KNL1: variants seen among roughly 807,000 people sequenced by gnomAD.
KNL1 encodes outer kinetochore KNL1 complex subunit KNL1.
Under a neutral mutation model 201.3 loss-of-function variants are expected in KNL1, and 66 were observed. The ratio of observed to expected loss-of-function variants is 0.33; its 90% CI spans 0.27 to 0.40. The LOEUF (loss-of-function observed/expected upper bound fraction) is 0.40, where lower values mean the gene tolerates loss of function less well. Ranked by LOEUF, KNL1 falls within the 10% of genes least tolerant of loss-of-function variation. KNL1 has a pLI of 1.00. For synonymous variants in KNL1, 895 were observed against 899.2 expected (o/e 1.00, Z 0.08); for missense variants, 2,815 against 2,690.5 (o/e 1.05, Z -1.02).
At chr15:40,629,397 T>A (rs1306585132) in intron 13 of KNL1, 26 bp downstream of exon 13, 2 of 1,491,086 alleles carry the variant, frequency 1.3e-6, no homozygotes, top group African/African-American at 1.4e-5. Flanking sequence ...TGGCAAAATG[T>A]TTGCATCAAA....
At position 40,651,589 on chromosome 15, in the gene KNL1, A is replaced by G; in HGVS notation, c.6314+17A>G. On this transcript the variant is annotated intron_variant, in intron 20 of 25. Coordinates refer to ENST00000399668, the MANE Select transcript of KNL1 (RefSeq NM_144508.5). ...TCAGTTGAGGTAAGGAAATGCAGGC[A>G]TCATTTGTTTGTGTTTTATTCTGTA... 1.3e-6 allele frequency: 2 copies of G among 1,537,904 alleles called. No homozygotes were observed. Among genetic ancestry groups the G allele is most frequent in the Non-Finnish European group, 1.8e-6 (2 of 1,126,014 alleles).
intron 3 of KNL1, 62 bp downstream of exon 3, chr15:40,605,211 C>T: frequency 3.2e-6 from 3 of 949,010 alleles, no homozygotes; most frequent in South Asian, 1.3e-5. Context: ...CCATATATCA[C>T]AGTAGTTTTG....
chr15:40,596,019 A>G (rs1431475368), intron 1 of KNL1, among the ~76,000 whole-genome samples: 2 of 151,828 alleles, frequency 1.3e-5, no homozygotes, highest in South Asian at 2.1e-4. Flanking sequence ...TCTACAATCC[A>G]TTAAAAGGGT....
rs1893938252 is a variant in KNL1, at chr15:40,662,421, A to C, written c.*233A>C. The C allele has an allele frequency of 2.5e-6, 1 of 406,166 alleles. No homozygotes were observed. Among genetic ancestry groups the C allele is most frequent in the South Asian group, 4.5e-5 (1 of 22,370 alleles). 25.2% of individuals were successfully genotyped at this position (406,166 alleles called of 1,614,324 possible). A position where few individuals can be genotyped will look rare whatever the true frequency, so the allele number is the denominator to read the frequency against. Reference sequence around the variant, plus strand: ...TACTCATCTTTGTACCAAAGGTTTAAGTAATAGGACACTTAGGAAAAATGT... The same window carrying C: ...TACTCATCTTTGTACCAAAGGTTTACGTAATAGGACACTTAGGAAAAATGT... On this transcript the variant is annotated 3_prime_UTR_variant, in exon 26 of 26. Coordinates refer to ENST00000399668, the MANE Select transcript of KNL1 (RefSeq NM_144508.5).
chr15:40,645,514 G>A, intron 15 of KNL1, 142 bp from the exon 16 acceptor site: 1 of 438,224 alleles, frequency 2.3e-6, no homozygotes, highest in African/African-American at 2.0e-5. Context: ...TCTTTTTTCT[G>A]GTCTTAGACA....
In KNL1 at chr15:40,622,182, A is replaced by G; in HGVS notation, c.1918A>G (p.Lys640Glu). The change falls in exon 10 of 26, where the codon AAA becomes GAA. Residue 640 changes from lysine to glutamate, a missense_variant. This residue lies in a region of KNL1 where 2,464 missense variants were observed against 2,291.7 expected (regional missense o/e 1.08). Coordinates refer to ENST00000399668, the MANE Select transcript of KNL1 (RefSeq NM_144508.5). The stretch of plus-strand genomic sequence containing the variant: ...AAACAGCTTAACCGACACCTGGAAC[A>G]AAGACAAAGATTGGGTTTTGAAGAT... ...AKNSLTDTWN[K>E]DKDWVLKILP... The G allele has an allele frequency of 6.2e-7, 1 of 1,614,150 alleles. No homozygotes were observed. The highest frequency in any genetic ancestry group is 8.5e-7 in the Non-Finnish European group (1 of 1,179,978).
chr15:40,618,342 T>C (rs1480261367), intron 8 of KNL1, among the ~76,000 whole-genome samples: 1 of 152,122 alleles, frequency 6.6e-6, no homozygotes, highest in African/African-American at 2.4e-5. Context: ...CTAAAATGCA[T>C]TATATTTTAT....
chr15:40,596,952 A>G (rs564464215), intron 1 of KNL1, among the ~76,000 whole-genome samples: 1 of 145,704 alleles, frequency 6.9e-6, no homozygotes, highest in African/African-American at 2.5e-5. Context: ...GTGAGCCAAG[A>G]TTGCGCCATT....
intron 2 of KNL1, among the ~76,000 whole-genome samples, chr15:40,603,185 A>C (rs76069180): frequency 2.0e-5 from 3 of 152,020 alleles, no homozygotes; most frequent in Non-Finnish European, 4.4e-5. Context: ...GGTTTGCTGC[A>C]CCCATCAACT....
In KNL1 at chr15:40,623,223, A is replaced by G; in HGVS notation, c.2959A>G (p.Thr987Ala). 1.9e-6 allele frequency: 3 copies of G among 1,614,002 alleles called. No homozygotes were observed. The highest frequency in any genetic ancestry group is 1.1e-5 in the South Asian group (1 of 91,076). ...CCAAAGGAAAAGCCTAGGAACACCA[A>G]CAGTGATATGTACTCCTACTGAGGA... The part of the protein sequence containing the change: ...LSQRKSLGTP[T>A]VICTPTEESV... The change falls in exon 10 of 26, where the codon ACA (threonine) becomes GCA (alanine). Residue 987 changes from threonine to alanine, a missense_variant. Transcript: ENST00000399668.
At position 40,647,079 on chromosome 15, in the gene KNL1, A is replaced by C. The variant is rs1287712309; in HGVS notation, c.6094+5A>C. 7.3e-7 allele frequency: 1 copy of C among 1,371,704 alleles called. No homozygotes were observed. 85.0% of individuals were successfully genotyped at this position (1,371,704 alleles called of 1,614,324 possible). On this transcript the variant is annotated splice_donor_5th_base_variant and intron_variant, in intron 17 of 25. Transcript: ENST00000399668. The stretch of plus-strand genomic sequence containing the variant: ...GCCTCACTGAGATGGAAACAGGTAA[A>C]GTATTTTAAATACTTTTCCAAAAGA...
rs1893987502 is a variant in KNL1, at chr15:40,664,051, T to G, written c.*1863T>G. The stretch of plus-strand genomic sequence containing the variant: ...CAATATGATCTGTTTCCCATGAAAC[T>G]TAAGTTAGCTTTCTTATTGGAGTTA... On this transcript the variant is annotated 3_prime_UTR_variant, in exon 26 of 26. Coordinates refer to ENST00000399668, the MANE Select transcript of KNL1 (RefSeq NM_144508.5). The G allele has an allele frequency of 5.4e-6, 1 of 184,654 alleles. No individual in the cohort carries two copies. Among genetic ancestry groups the G allele is most frequent in the Admixed American group, 6.2e-5 (1 of 16,032 alleles). 11.4% of individuals were successfully genotyped at this position (184,654 alleles called of 1,614,324 possible).
chr15:40,603,290 A>C (rs1225566943), intron 2 of KNL1, among the ~76,000 whole-genome samples: 1 of 152,060 alleles, frequency 6.6e-6, no homozygotes, highest in Non-Finnish European at 1.5e-5. Context: ...CCCTGTGTCC[A>C]AGTGATCTCA....
intron 6 of KNL1, among the ~76,000 whole-genome samples, chr15:40,611,188 A>G (rs1312089177): frequency 6.6e-6 from 1 of 151,350 alleles, no homozygotes; most frequent in Non-Finnish European, 1.5e-5. Flanking sequence ...GGCTAACTGC[A>G]ATCTCTGCCT....
At chr15:40,597,698 C>T (rs1891660473) in intron 1 of KNL1, among the ~76,000 whole-genome samples, 1 of 152,172 alleles carries the variant, frequency 6.6e-6, no homozygotes, top group Non-Finnish European at 1.5e-5. Flanking sequence ...TTAACAGTTA[C>T]AGAATATTTT....
At chr15:40,614,086 C>T (rs1892262934) in intron 7 of KNL1, among the ~76,000 whole-genome samples, 1 of 148,196 alleles carries the variant, frequency 6.7e-6, no homozygotes, top group Non-Finnish European at 1.5e-5. Context: ...GCGTGAGCCA[C>T]CACGCCTGGC....
At chr15:40,657,002 A>G in intron 22 of KNL1, 40 bp from the exon 23 acceptor site, 1 of 902,666 alleles carries the variant, frequency 1.1e-6, no homozygotes, top group Non-Finnish European at 1.7e-6. Context: ...TATGAATCAT[A>G]AGTAATAACC....
chr15:40,643,260 C>T (rs1232210300), intron 14 of KNL1: 1 of 152,102 alleles, frequency 6.6e-6, no homozygotes, highest in Admixed American at 6.6e-5. Flanking sequence ...GAGAACTCTG[C>T]CTCCTGGGTT....
chr15:40,621,046 T>A lies in KNL1; in HGVS notation c.782T>A (p.Leu261His). Reference protein sequence around the residue: ...ASSTHQMHVSLKEDENNSNIT... With the variant: ...ASSTHQMHVSHKEDENNSNIT... ...TCTACACATCAAATGCATGTATCTCTTAAGGAAGATGAAAATAACAGTAAT... is the reference window on the plus strand; with the variant it reads ...TCTACACATCAAATGCATGTATCTCATAAGGAAGATGAAAATAACAGTAAT... Residue 261 changes from leucine (L) to histidine (H), a missense_variant, in exon 10 of 26, where the codon CTT (leucine) becomes CAT (histidine). Coordinates refer to ENST00000399668, the MANE Select transcript of KNL1 (RefSeq NM_144508.5). 1 of 1,610,402 alleles carries A rather than the reference T, an allele frequency of 6.2e-7. No individual in the cohort carries two copies. The highest frequency in any genetic ancestry group is 8.5e-7 in the Non-Finnish European group (1 of 1,178,512).
Sources: gnomAD v4.1 joint callset for allele counts (sites outside exome capture counted in the v4.1 genomes callset) on GRCh38, gnomAD v4.1.1 for gene constraint, gnomAD v4.1.1 regional missense constraint, MANE v1.5 for transcripts, NCBI Gene and HGNC (gene_info 2026-07-23, HGNC 2026-07-21) for gene names.